Variants in BRINP3 observed in about 807,000 individuals in gnomAD.
BRINP3 encodes BMP/retinoic acid inducible neural specific 3.
In BRINP3, 19 loss-of-function variants were observed where a neutral mutation model predicts 71.0. That is an observed-to-expected ratio of 0.27 (90% CI 0.19 to 0.39). The LOEUF is 0.39. Ranked by LOEUF, BRINP3 falls within the 10% of genes least tolerant of loss-of-function variation. The probability of loss-of-function intolerance (pLI) is 1.00; values close to 1 mark genes in which losing one functional copy is unlikely to be tolerated. For synonymous variants in BRINP3, 380 were observed against 337.7 expected (o/e 1.13, Z -1.37); for missense variants, 959 against 940.8 (o/e 1.02, Z -0.25).
chr1:190,433,968 A>C (rs2102521716), intron 2 of BRINP3, among the ~76,000 whole-genome samples: 1 of 152,286 alleles, frequency 6.6e-6, no homozygotes, highest in South Asian at 2.1e-4. Context: ...GTTTTCTGCG[A>C]AATTAGTTAC....
At chr1:190,415,593 T>A (rs1672958272) in intron 2 of BRINP3, among the ~76,000 whole-genome samples, 1 of 152,112 alleles carries the variant, frequency 6.6e-6, no homozygotes. Context: ...AATCTAGATA[T>A]AATATAATTC....
intron 3 of BRINP3, among the ~76,000 whole-genome samples, chr1:190,276,730 C>T (rs1210962286): frequency 6.6e-6 from 1 of 151,154 alleles, no homozygotes; most frequent in South Asian, 2.1e-4. Flanking sequence ...GAAGTTAATA[C>T]TATTTTTGCA....
chr1:190,330,177 C>T (rs533780765), intron 2 of BRINP3, among the ~76,000 whole-genome samples: 7 of 151,808 alleles, frequency 4.6e-5, no homozygotes, highest in South Asian at 4.2e-4. Context: ...GTAAAATAAA[C>T]GATCAACAGA....
chr1:190,286,493 CTTCATATT>C (rs936817749), intron 2 of BRINP3, among the ~76,000 whole-genome samples: 59 of 152,222 alleles, frequency 3.9e-4, no homozygotes, highest in African/African-American at 1.4e-3. Context: ...ATTTGCCACT[CTTCATATT>C]AGAAATTTTG....
chr1:190,473,363 T>C (rs931941626), intron 1 of BRINP3, among the ~76,000 whole-genome samples: 10 of 152,068 alleles, frequency 6.6e-5, no homozygotes, highest in South Asian at 2.1e-4. Flanking sequence ...TCTTATTTCT[T>C]CCAGGTTTTA....
intron 4 of BRINP3, among the ~76,000 whole-genome samples, 171 bp from the exon 5 acceptor site, chr1:190,234,648 A>G (rs761717965): frequency 2.9e-4 from 44 of 152,172 alleles, no homozygotes; most frequent in Admixed American, 6.5e-4. Flanking sequence ...GGAAAGCAGT[A>G]AGTCCCTTTG....
chr1:190,337,139 C>T (rs1558193348), intron 2 of BRINP3, among the ~76,000 whole-genome samples: 1 of 151,816 alleles, frequency 6.6e-6, no homozygotes, highest in Admixed American at 6.6e-5. Flanking sequence ...GTCTGCATAC[C>T]GCCATGGTAG....
In BRINP3 at chr1:190,263,762, G is replaced by C. The variant is rs533702000; in HGVS notation, c.618+1103C>G. On this transcript the variant is annotated intron_variant, in intron 4 of 7. Transcript: ENST00000367462. ...CGGCACCACACCCAGCTAATTTTTTGTATTTTTAGTAGAGAGGGTTTCACT... is the reference window on the plus strand; with the variant it reads ...CGGCACCACACCCAGCTAATTTTTTCTATTTTTAGTAGAGAGGGTTTCACT... Among the ~76,000 whole-genome samples, 42 of 151,544 alleles carry C rather than the reference G, an allele frequency of 2.8e-4. 1 individual carries two copies. In the South Asian group the frequency reaches 7.7e-3, roughly 28 times the overall value.
intron 2 of BRINP3, among the ~76,000 whole-genome samples, chr1:190,284,992 T>C (rs1261041300): frequency 6.6e-6 from 1 of 152,134 alleles, no homozygotes; most frequent in Non-Finnish European, 1.5e-5. Context: ...ATTTTGTATA[T>C]CCAACAAGGT....
chr1:190,239,894 G>A (rs1351248536), intron 4 of BRINP3, among the ~76,000 whole-genome samples: 1 of 151,752 alleles, frequency 6.6e-6, no homozygotes, highest in Non-Finnish European at 1.5e-5. Flanking sequence ...GACACTGAAA[G>A]ATTATGAAAA....
intron 6 of BRINP3, among the ~76,000 whole-genome samples, chr1:190,188,725 T>C (rs12086633): frequency 0.032 from 4,818 of 152,214 alleles, 241 homozygotes; most frequent in African/African-American, 0.11. Context: ...TGAATGATGA[T>C]CTTATTAATG....
At chr1:190,352,366 G>A (rs1668445396) in intron 2 of BRINP3, among the ~76,000 whole-genome samples, 1 of 151,962 alleles carries the variant, frequency 6.6e-6, no homozygotes, top group African/African-American at 2.4e-5. Flanking sequence ...CAAATGCGAA[G>A]GGTAAATACT....
At chr1:190,392,261 A>G (rs1671299648) in intron 2 of BRINP3, among the ~76,000 whole-genome samples, 1 of 151,712 alleles carries the variant, frequency 6.6e-6, no homozygotes, top group Non-Finnish European at 1.5e-5. Flanking sequence ...TGTTGCCTTA[A>G]TAATGTCAAT....
At chr1:190,404,689 T>C (rs113021797) in intron 2 of BRINP3, among the ~76,000 whole-genome samples, 3,304 of 152,308 alleles carry the variant, frequency 0.022, 63 homozygotes, top group Non-Finnish European at 0.034. Context: ...TGCCAGAGAA[T>C]ATAAATTATT....
At chr1:190,438,581 T>G (rs903685791) in intron 2 of BRINP3, among the ~76,000 whole-genome samples, 2 of 151,890 alleles carry the variant, frequency 1.3e-5, no homozygotes, top group African/African-American at 4.8e-5. Context: ...ATGAAATACA[T>G]AAGCACCTTA....
intron 2 of BRINP3, among the ~76,000 whole-genome samples, chr1:190,393,159 A>G (rs1168280030): frequency 6.6e-6 from 1 of 151,702 alleles, no homozygotes; most frequent in East Asian, 1.9e-4. Flanking sequence ...CAAACATTAC[A>G]TATGCATAAC....
chr1:190,142,568 C>A (rs1161751792), intron 7 of BRINP3, among the ~76,000 whole-genome samples: 1 of 151,972 alleles, frequency 6.6e-6, no homozygotes, highest in Non-Finnish European at 1.5e-5. Flanking sequence ...TATAGTTTAT[C>A]TTGGATACTA....
At chr1:190,459,499 G>A (rs75611443) in intron 1 of BRINP3, among the ~76,000 whole-genome samples, 2 of 151,806 alleles carry the variant, frequency 1.3e-5, no homozygotes, top group African/African-American at 4.8e-5. Context: ...AAACTACAAA[G>A]ATATAAACAA....
intron 2 of BRINP3, among the ~76,000 whole-genome samples, chr1:190,322,971 CAGA>C (rs1030389027): frequency 2.0e-5 from 3 of 151,900 alleles, no homozygotes; most frequent in African/African-American, 7.3e-5. Context: ...ATTCAAAGCG[CAGA>C]AGGATTATGT....
Sources: gnomAD v4.1 joint callset for allele counts (sites outside exome capture counted in the v4.1 genomes callset) on GRCh38, gnomAD v4.1.1 for gene constraint, MANE v1.5 for transcripts, NCBI Gene and HGNC (gene_info 2026-07-23, HGNC 2026-07-21) for gene names.